TBC1D9: variants seen among roughly 807,000 people sequenced by gnomAD.
TBC1D9 encodes TBC1 domain family member 9A.
In TBC1D9, 63 loss-of-function variants were observed where a neutral mutation model predicts 132.0. That is an observed-to-expected ratio of 0.48 (90% CI 0.39 to 0.59). The LOEUF is 0.59. Ranked by LOEUF, TBC1D9 falls within the 20% of genes least tolerant of loss-of-function variation. The probability of loss-of-function intolerance (pLI) is 0.00; values close to 1 mark genes in which losing one functional copy is unlikely to be tolerated. For synonymous variants in TBC1D9, 610 were observed against 609.9 expected (o/e 1.00, Z 0.00); for missense variants, 1,261 against 1,592.7 (o/e 0.79, Z 3.54).
intron 1 of TBC1D9, among the ~76,000 whole-genome samples, chr4:140,717,636 T>G (rs112247718): frequency 0.023 from 3,512 of 152,266 alleles, 88 homozygotes; most frequent in African/African-American, 0.062. Context: ...GCTTCAAAAC[T>G]TTTCCTTTGC....
chr4:140,744,504 G>C (rs55854349), intron 1 of TBC1D9, among the ~76,000 whole-genome samples: 43,197 of 151,990 alleles, frequency 0.28, 6,557 homozygotes, highest in East Asian at 0.56. Context: ...AGATTAGCTA[G>C]GTGTCTAGCA....
intron 9 of TBC1D9, among the ~76,000 whole-genome samples, chr4:140,663,794 G>C (rs1369932636): frequency 6.6e-6 from 1 of 151,986 alleles, no homozygotes; most frequent in Non-Finnish European, 1.5e-5. Context: ...GGCACAGAAA[G>C]ACAAGTAATA....
At position 140,622,474 on chromosome 4, in the gene TBC1D9, C is replaced by T. The variant is rs1440361462; in HGVS notation, c.3522G>A (p.Glu1174=). 6.2e-7 allele frequency: 1 copy of T among 1,614,044 alleles called. No individual in the cohort carries two copies. The highest frequency in any genetic ancestry group is 1.7e-5 in the Admixed American group (1 of 60,038). ...TGTCCTCGCAGTGCAGCTTGTCCTC[C>T]TCGTGGGAGCCGGCACTCAGCACCG... ...SYSVLSAGSH[E]EDKLHCEDIG... Residue 1174 remains glutamate, a synonymous_variant, in exon 21 of 21, where the codon GAG becomes GAA. Transcript: ENST00000442267.
intron 10 of TBC1D9, 101 bp from the exon 11 acceptor site, chr4:140,659,806 C>A (rs1299532647): frequency 5.2e-6 from 4 of 772,626 alleles, no homozygotes; most frequent in African/African-American, 1.7e-5. Flanking sequence ...GGCTGGCAAA[C>A]CTTTTCTGTG....
chr4:140,644,602 G>A, intron 13 of TBC1D9: 1 of 355,012 alleles, frequency 2.8e-6, no homozygotes, highest in Non-Finnish European at 5.3e-6. Context: ...TCTCTGCCTG[G>A]TACTCCTCTG....
chr4:140,679,935 TAA>T, intron 3 of TBC1D9, 92 bp from the exon 4 acceptor site: 12 of 864,990 alleles, frequency 1.4e-5, no homozygotes, highest in Non-Finnish European at 1.8e-5. Context: ...AGGCTAGAAT[TAA>T]AAAAAAAAAT....
Position 140,669,818 on chromosome 4 carries a change from G to C in TBC1D9, c.1267-14C>G, listed in dbSNP as rs1282798431. 1 of 1,605,328 alleles carries C rather than the reference G, an allele frequency of 6.2e-7. No individual in the cohort carries two copies. Among genetic ancestry groups the C allele is most frequent in the Non-Finnish European group, 8.5e-7 (1 of 1,173,102 alleles). On this transcript the variant is annotated splice_polypyrimidine_tract_variant and intron_variant, in intron 7 of 20. Transcript: ENST00000442267. Reference sequence around the variant, plus strand: ...TCGAGAGTACACCTGTCAATACAGAGAGGAACAAGACATTGGGAGGACACG... The same window carrying C: ...TCGAGAGTACACCTGTCAATACAGACAGGAACAAGACATTGGGAGGACACG...
Position 140,661,986 on chromosome 4 carries a change from T to C in TBC1D9, c.1710A>G (p.Glu570=), listed in dbSNP as rs1233274772. The change falls in exon 10 of 21, where the codon GAA becomes GAG. Residue 570 remains glutamate (E), a synonymous_variant. Transcript: ENST00000442267. ...IERDLHRSLP[E]HPAFQNEMGI... The stretch of plus-strand genomic sequence containing the variant: ...CCATTTCATTCTGAAAAGCTGGGTG[T>C]TCTGGAAGGGAGCGGTGTAAATCCC... The C allele has an allele frequency of 1.2e-6, 2 of 1,614,054 alleles. No homozygotes were observed. The highest frequency in any genetic ancestry group is 4.5e-5 in the East Asian group (2 of 44,884).
chr4:140,753,431 C>T (rs1183926776), intron 1 of TBC1D9, among the ~76,000 whole-genome samples: 1 of 152,094 alleles, frequency 6.6e-6, no homozygotes, highest in Non-Finnish European at 1.5e-5. Flanking sequence ...GGATGGGAGG[C>T]AGTGGCAGAA....
In TBC1D9 at chr4:140,639,378, C is replaced by T. The variant is rs1347698602; in HGVS notation, c.2388G>A (p.Gln796=). 7.4e-6 allele frequency: 12 copies of T among 1,613,068 alleles called. No homozygotes were observed. Among genetic ancestry groups the T allele is most frequent in the Admixed American group, 1.7e-5 (1 of 59,940 alleles). The part of the protein sequence containing the change: ...ADLIEQMRFK[Q]RLKVIQTLED... ...CCAGCGTCTGGATCACTTTCAGTCT[C>T]TGTTTGAATCTCATCTGTTCAATCA... Residue 796 remains glutamine (Q), a synonymous_variant, in exon 14 of 21, where the codon CAG becomes CAA. Transcript: ENST00000442267.
At chr4:140,705,946 G>A (rs1738144259) in intron 1 of TBC1D9, among the ~76,000 whole-genome samples, 1 of 152,174 alleles carries the variant, frequency 6.6e-6, no homozygotes, top group Non-Finnish European at 1.5e-5. Context: ...ATCTTATAAT[G>A]TAAAAGTGCT....
At chr4:140,667,201 C>A (rs1560879015) in intron 9 of TBC1D9, among the ~76,000 whole-genome samples, 1 of 152,152 alleles carries the variant, frequency 6.6e-6, no homozygotes, top group South Asian at 2.1e-4. Context: ...TGTGGAAATA[C>A]GGGCTCAGTT....
chr4:140,737,594 ACATGTTTAT>A (rs1413185710), intron 1 of TBC1D9, among the ~76,000 whole-genome samples: 1 of 152,132 alleles, frequency 6.6e-6, no homozygotes, highest in Non-Finnish European at 1.5e-5. Flanking sequence ...ACAAGCACTA[ACATGTTTAT>A]CATTTTGTAG....
chr4:140,662,371 C>A (rs561138826), intron 9 of TBC1D9, among the ~76,000 whole-genome samples: 1 of 152,296 alleles, frequency 6.6e-6, no homozygotes, highest in South Asian at 2.1e-4. Flanking sequence ...CAAAACCATG[C>A]TCTGAGGAAC....
intron 9 of TBC1D9, among the ~76,000 whole-genome samples, chr4:140,662,950 T>G (rs762680038): frequency 3.9e-5 from 6 of 152,254 alleles, no homozygotes; most frequent in Middle Eastern, 6.8e-3. Flanking sequence ...ACCATAAAAC[T>G]AGTAGAAGAA....
chr4:140,749,213 T>C (rs927808431), intron 1 of TBC1D9, among the ~76,000 whole-genome samples: 1 of 144,048 alleles, frequency 6.9e-6, no homozygotes, highest in Non-Finnish European at 1.5e-5. Context: ...TTTAAAAAAA[T>C]AAAAGGTAAA....
At chr4:140,739,582 G>A (rs1244431860) in intron 1 of TBC1D9, among the ~76,000 whole-genome samples, 1 of 152,162 alleles carries the variant, frequency 6.6e-6, no homozygotes, top group Non-Finnish European at 1.5e-5. Flanking sequence ...GTTCTCAGCA[G>A]GATGCCTGAA....
intron 3 of TBC1D9, among the ~76,000 whole-genome samples, chr4:140,681,205 T>G (rs972125527): frequency 6.6e-6 from 1 of 152,214 alleles, no homozygotes; most frequent in African/African-American, 2.4e-5. Context: ...CCCACCTTTT[T>G]GCCTATGGCC....
chr4:140,643,628 C>T lies in TBC1D9; in HGVS notation c.2338-4200G>A, dbSNP rs1737047961. 1.5e-5 allele frequency: 15 copies of T among 1,001,572 alleles called. No individual in the cohort carries two copies. The South Asian group carries it at 1.9e-4, about 13-fold the overall frequency. The allele number at this position is 1,001,572 out of a possible 1,614,324, so 62.0% of individuals were successfully genotyped here. A position where few individuals can be genotyped will look rare whatever the true frequency, so the allele number is the denominator to read the frequency against. ...CCGGCGCTGCCTCTGCCGCAGGAAC[C>T]GCCACAGGCACCTCCACTGGCTCCT... is the stretch of plus-strand genomic sequence containing the variant. On this transcript the variant is annotated intron_variant, in intron 13 of 20. Transcript: ENST00000442267.
Sources: allele counts gnomAD v4.1 joint callset (sites outside exome capture counted in the v4.1 genomes callset), GRCh38; gene constraint gnomAD v4.1.1; transcripts MANE v1.5; gene names NCBI Gene and HGNC (gene_info 2026-07-23, HGNC 2026-07-21).